The following CLSTN2 variants were observed in gnomAD, a reference collection of about 807,000 sequenced individuals.
CLSTN2 encodes calsyntenin 2, also known as calsyntenin-2.
Under a neutral mutation model 101.2 loss-of-function variants are expected in CLSTN2, and 48 were observed. The observed-to-expected ratio is 0.47, with a 90% CI of 0.38 to 0.60. CLSTN2 has a LOEUF of 0.60. Ranked by LOEUF, CLSTN2 falls within the 20% of genes least tolerant of loss-of-function variation. The pLI is 0.00. For synonymous variants in CLSTN2, 481 were observed against 463.6 expected (o/e 1.04, Z -0.48); for missense variants, 1,160 against 1,238.2 (o/e 0.94, Z 0.95).
At chr3:140,447,009 G>T (rs77711533) in intron 5 of CLSTN2, among the ~76,000 whole-genome samples, 3 of 152,100 alleles carry the variant, frequency 2.0e-5, no homozygotes, top group Non-Finnish European at 4.4e-5. Flanking sequence ...GAACAAAGCC[G>T]TCTGGCTAGC....
At chr3:140,090,321 G>C (rs1328453342) in intron 1 of CLSTN2, among the ~76,000 whole-genome samples, 1 of 151,958 alleles carries the variant, frequency 6.6e-6, no homozygotes, top group Non-Finnish European at 1.5e-5. Context: ...GGTGGTTTTT[G>C]ATTAAGGTGA....
At chr3:140,137,702 T>C (rs2107807405) in intron 1 of CLSTN2, among the ~76,000 whole-genome samples, 1 of 152,330 alleles carries the variant, frequency 6.6e-6, no homozygotes, top group East Asian at 1.9e-4. Flanking sequence ...TACATAATGC[T>C]TTGCCGTTTA....
chr3:140,052,886 T>C (rs2008024371), intron 1 of CLSTN2, among the ~76,000 whole-genome samples: 1 of 152,146 alleles, frequency 6.6e-6, no homozygotes, highest in Admixed American at 6.5e-5. Context: ...CCCACATGTA[T>C]ATAGTGAGGA....
chr3:140,083,096 C>T (rs1002530153), intron 1 of CLSTN2, among the ~76,000 whole-genome samples: 3 of 152,186 alleles, frequency 2.0e-5, no homozygotes, highest in Non-Finnish European at 2.9e-5. Context: ...TTGCTGGACA[C>T]TATATGGCTC....
At chr3:139,965,887 T>G (rs1935590562) in intron 1 of CLSTN2, among the ~76,000 whole-genome samples, 1 of 152,218 alleles carries the variant, frequency 6.6e-6, no homozygotes, top group African/African-American at 2.4e-5. Flanking sequence ...TCTCCCACTC[T>G]TCTTCAAAAT....
At chr3:140,497,178 C>G (rs892218528) in intron 8 of CLSTN2, among the ~76,000 whole-genome samples, 2 of 151,744 alleles carry the variant, frequency 1.3e-5, no homozygotes, top group South Asian at 2.1e-4. Context: ...AAGCCTTCCT[C>G]GTGCAGATAG....
At chr3:139,936,606 G>A (rs1935026326) in intron 1 of CLSTN2, among the ~76,000 whole-genome samples, 2 of 152,172 alleles carry the variant, frequency 1.3e-5, no homozygotes, top group South Asian at 4.1e-4. Flanking sequence ...GCCTGATTCG[G>A]ACGCTTGCTT....
At position 140,217,224 on chromosome 3, in the gene CLSTN2, T is replaced by A. The variant is rs538462961; in HGVS notation, c.232+41151T>A. 2.7e-5 allele frequency among the ~76,000 whole-genome samples: 4 copies of A among 148,636 alleles called. No homozygotes were observed. In the East Asian group the frequency reaches 8.0e-4, roughly 30 times the overall value. On this transcript the variant is annotated intron_variant, in intron 2 of 16. Coordinates refer to ENST00000458420, the MANE Select transcript of CLSTN2 (RefSeq NM_022131.3). The stretch of plus-strand genomic sequence containing the variant: ...TTACATCTACCAGTGTAGTTTCACA[T>A]CCTTAGAGAACAGTTTATTTTTAAA...
At chr3:140,226,938 A>G (rs2086326352) in intron 2 of CLSTN2, among the ~76,000 whole-genome samples, 1 of 152,216 alleles carries the variant, frequency 6.6e-6, no homozygotes. Context: ...CCATAATTCA[A>G]TCACCTCCCA....
chr3:140,441,989 C>T (rs896704705), intron 5 of CLSTN2, among the ~76,000 whole-genome samples: 1 of 152,186 alleles, frequency 6.6e-6, no homozygotes, highest in African/African-American at 2.4e-5. Flanking sequence ...CCACTTGAAC[C>T]TGGAGCTGTA....
At chr3:140,408,945 T>C (rs1270269968) in intron 4 of CLSTN2, among the ~76,000 whole-genome samples, 1 of 152,250 alleles carries the variant, frequency 6.6e-6, no homozygotes, top group Non-Finnish European at 1.5e-5. Flanking sequence ...CTCCTATCGC[T>C]GTACACGTGC....
intron 1 of CLSTN2, among the ~76,000 whole-genome samples, chr3:140,175,105 C>A (rs561041232): frequency 6.6e-6 from 1 of 152,074 alleles, no homozygotes; most frequent in Non-Finnish European, 1.5e-5. Flanking sequence ...ATATCGGATG[C>A]GGAACCACCC....
chr3:140,533,239 G>A (rs1037650558), intron 9 of CLSTN2, among the ~76,000 whole-genome samples: 1 of 152,102 alleles, frequency 6.6e-6, no homozygotes, highest in Admixed American at 6.5e-5. Flanking sequence ...TTAAGGGCTG[G>A]GTATGCTTTG....
intron 2 of CLSTN2, among the ~76,000 whole-genome samples, chr3:140,372,167 G>A (rs775784560): frequency 2.0e-5 from 3 of 152,146 alleles, no homozygotes; most frequent in East Asian, 1.9e-4. Flanking sequence ...CCCAGCCACC[G>A]TGCTCCTCGT....
intron 1 of CLSTN2, among the ~76,000 whole-genome samples, chr3:140,142,436 G>T (rs1475512166): frequency 6.6e-6 from 1 of 152,190 alleles, no homozygotes; most frequent in Non-Finnish European, 1.5e-5. Context: ...TCGCACCACA[G>T]CTGTGAGGGG....
At chr3:140,550,632 C>A (rs1209099647) in intron 10 of CLSTN2, among the ~76,000 whole-genome samples, 1 of 152,080 alleles carries the variant, frequency 6.6e-6, no homozygotes, top group Admixed American at 6.5e-5. Flanking sequence ...GGGTACTAGG[C>A]CCCATAGAGC....
intron 2 of CLSTN2, among the ~76,000 whole-genome samples, chr3:140,227,813 C>T (rs1175231947): frequency 6.6e-6 from 1 of 152,202 alleles, no homozygotes; most frequent in African/African-American, 2.4e-5. Context: ...GGGCTTCCAC[C>T]CTCTGAAGTA....
intron 2 of CLSTN2, among the ~76,000 whole-genome samples, chr3:140,237,226 T>G (rs537182097): frequency 5.9e-5 from 9 of 152,284 alleles, no homozygotes; most frequent in African/African-American, 1.9e-4. Context: ...TGGGAACAGA[T>G]CAGCTGTTCT....
chr3:140,249,322 A>G (rs897117987), intron 2 of CLSTN2, among the ~76,000 whole-genome samples: 9 of 152,236 alleles, frequency 5.9e-5, no homozygotes, highest in Non-Finnish European at 1.3e-4. Flanking sequence ...TGCCTTGCAA[A>G]TCACATCACC....
Sources: allele counts gnomAD v4.1 joint callset (sites outside exome capture counted in the v4.1 genomes callset), GRCh38; gene constraint gnomAD v4.1.1; transcripts MANE v1.5; gene names NCBI Gene and HGNC (gene_info 2026-07-23, HGNC 2026-07-21).